Variants in ZNF713 observed in about 807,000 individuals in gnomAD.
ZNF713 encodes zinc finger protein 713.
Under a neutral mutation model 28.7 loss-of-function variants are expected in ZNF713, and 21 were observed. That is an observed-to-expected ratio of 0.73 (90% CI 0.52 to 1.05). The LOEUF (loss-of-function observed/expected upper bound fraction) is 1.05. Ranked by LOEUF, ZNF713 falls within the 50% of genes least tolerant of loss-of-function variation. The pLI is 0.00. For missense variants in ZNF713, 458 were observed against 532.4 expected, an observed-to-expected ratio of 0.86 and a Z score of 1.37; for synonymous variants, 167 against 178.0, an observed-to-expected ratio of 0.94 and a Z score of 0.49.
At position 55,939,937 on chromosome 7, in the gene ZNF713, T is replaced by C. The variant is rs1584323545; in HGVS notation, c.1263T>C (p.Thr421=). ...TTAATCAACACAGGAAAATCCATAC[T>C]CGGGAGAAATTATGTGAATATAAAT... ...AHLNQHRKIH[T]REKLCEYKCE... Residue 421 remains threonine, a synonymous_variant, in exon 7 of 7, where the codon ACT becomes ACC. Coordinates refer to ENST00000429591, the MANE Select transcript of ZNF713 (RefSeq NM_182633.3). 3 of 1,613,210 alleles carry C rather than the reference T, an allele frequency of 1.9e-6. No homozygotes were observed. The highest frequency in any genetic ancestry group is 4.5e-5 in the East Asian group (2 of 44,846).
intron 6 of ZNF713, among the ~76,000 whole-genome samples, chr7:55,936,857 G>A (rs1477068303): frequency 6.6e-6 from 1 of 152,132 alleles, no homozygotes; most frequent in African/African-American, 2.4e-5. Context: ...TGTCTAGCAA[G>A]AGCCTCCCAA....
intron 1 of ZNF713, among the ~76,000 whole-genome samples, chr7:55,893,182 C>G (rs756396275): frequency 2.6e-5 from 4 of 152,096 alleles, no homozygotes; most frequent in Non-Finnish European, 4.4e-5. Context: ...CGCGCCCGGA[C>G]TAATTTGATC....
intron 1 of ZNF713, among the ~76,000 whole-genome samples, chr7:55,905,016 T>C (rs4947528): frequency 0.82 from 124,924 of 152,122 alleles, 51,831 homozygotes; most frequent in East Asian, 0.95. Flanking sequence ...TGAGCCACCA[T>C]GCCCAGCCTA....
intron 2 of ZNF713, among the ~76,000 whole-genome samples, chr7:55,910,297 C>T (rs1785762866): frequency 6.6e-6 from 1 of 152,038 alleles, no homozygotes; most frequent in African/African-American, 2.4e-5. Flanking sequence ...TTTCTCTTGC[C>T]TGATTGCTGT....
intron 6 of ZNF713, among the ~76,000 whole-genome samples, chr7:55,930,513 C>T (rs1337227074): frequency 6.6e-6 from 1 of 152,314 alleles, no homozygotes; most frequent in African/African-American, 2.4e-5. Flanking sequence ...CAACCACACT[C>T]ATTCTTTTAC....
intron 1 of ZNF713, among the ~76,000 whole-genome samples, chr7:55,903,410 C>G (rs1785614543): frequency 6.6e-6 from 1 of 151,750 alleles, no homozygotes; most frequent in Admixed American, 6.6e-5. Context: ...TGGCTCACAC[C>G]TGTAATCCTA....
intron 6 of ZNF713, among the ~76,000 whole-genome samples, chr7:55,936,785 G>T (rs1786355654): frequency 6.6e-6 from 1 of 152,150 alleles, no homozygotes; most frequent in South Asian, 2.1e-4. Context: ...CAAGTAGGAT[G>T]CGTGCCCAAA....
rs1483663256 is a variant in ZNF713, at chr7:55,941,424, C to A, written c.*1418C>A. On this transcript the variant is annotated 3_prime_UTR_variant, in exon 7 of 7. Transcript: ENST00000429591. ...TGAGCCAAGATCACGCCACTGTACT[C>A]CAGCCTGGGCAACAGAGTGAGACTG... 1 of 150,490 alleles carries A rather than the reference C, an allele frequency of 6.6e-6. No homozygotes were observed. The highest frequency in any genetic ancestry group is 2.4e-5 in the African/African-American group (1 of 40,992). 9.3% of individuals were successfully genotyped at this position (150,490 alleles called of 1,614,324 possible).
At chr7:55,889,415 T>C (rs547218930) in intron 1 of ZNF713, among the ~76,000 whole-genome samples, 2 of 152,306 alleles carry the variant, frequency 1.3e-5, no homozygotes, top group East Asian at 3.9e-4. Flanking sequence ...CTATTTCTTT[T>C]AACTTAAATT....
chr7:55,915,940 A>T (rs534959402), intron 4 of ZNF713, among the ~76,000 whole-genome samples: 1 of 152,352 alleles, frequency 6.6e-6, no homozygotes, highest in Admixed American at 6.5e-5. Flanking sequence ...TTGAAAGGAG[A>T]AAAACCAGTT....
chr7:55,896,777 C>T (rs1258532918), intron 1 of ZNF713, among the ~76,000 whole-genome samples: 1 of 152,012 alleles, frequency 6.6e-6, no homozygotes, highest in Non-Finnish European at 1.5e-5. Context: ...GTTTCTAAAT[C>T]CTGTTCTCCA....
chr7:55,934,053 G>T (rs1020443908), intron 6 of ZNF713, among the ~76,000 whole-genome samples: 1 of 152,138 alleles, frequency 6.6e-6, no homozygotes, highest in Non-Finnish European at 1.5e-5. Flanking sequence ...ACCAGATTTT[G>T]TGTGGGTGAA....
chr7:55,920,687 G>A (rs1785976657), intron 4 of ZNF713, among the ~76,000 whole-genome samples: 1 of 152,234 alleles, frequency 6.6e-6, no homozygotes, highest in African/African-American at 2.4e-5. Flanking sequence ...ACTGATGAAG[G>A]TGACTGTACT....
intron 2 of ZNF713, among the ~76,000 whole-genome samples, chr7:55,906,621 T>A (rs1785684121): frequency 6.6e-6 from 1 of 152,146 alleles, no homozygotes; most frequent in African/African-American, 2.4e-5. Flanking sequence ...GGTAAGGGAT[T>A]GGCAGTGTGG....
chr7:55,920,756 CTTTATTTATTTA>C (rs139275645), intron 4 of ZNF713, among the ~76,000 whole-genome samples: 7,595 of 149,006 alleles, frequency 0.051, 220 homozygotes, highest in Middle Eastern at 0.087. Flanking sequence ...CCATCTAGGA[CTTTATTTATTTA>C]TTTATTTATT....
At chr7:55,922,038 G>T (rs1285155268) in intron 4 of ZNF713, among the ~76,000 whole-genome samples, 1 of 152,088 alleles carries the variant, frequency 6.6e-6, no homozygotes, top group African/African-American at 2.4e-5. Flanking sequence ...CAATTCTTCT[G>T]CCTCAGGCTC....
At chr7:55,919,681 A>C (rs544349668) in intron 4 of ZNF713, among the ~76,000 whole-genome samples, 1 of 151,304 alleles carries the variant, frequency 6.6e-6, no homozygotes, top group East Asian at 1.9e-4. Flanking sequence ...AATTTTTTAA[A>C]TTTTTTTACA....
intron 1 of ZNF713, among the ~76,000 whole-genome samples, chr7:55,892,152 C>T (rs1038288230): frequency 6.6e-5 from 10 of 151,784 alleles, no homozygotes; most frequent in South Asian, 2.1e-4. Context: ...TGGTGGCGGG[C>T]GCCTGTAGTC....
At chr7:55,900,436 C>T (rs908199238) in intron 1 of ZNF713, among the ~76,000 whole-genome samples, 1 of 151,698 alleles carries the variant, frequency 6.6e-6, no homozygotes, top group Non-Finnish European at 1.5e-5. Context: ...CCACTGCACT[C>T]CAGCCTGGGC....
Sources: gnomAD v4.1 joint callset for allele counts (sites outside exome capture counted in the v4.1 genomes callset) on GRCh38, gnomAD v4.1.1 for gene constraint, MANE v1.5 for transcripts, NCBI Gene and HGNC (gene_info 2026-07-23, HGNC 2026-07-21) for gene names.